Variants in DENND5B observed in about 807,000 individuals in gnomAD.
The protein encoded by DENND5B is DENN domain containing 5B, also known as DENN domain-containing protein 5B.
In DENND5B, 34 loss-of-function variants were observed where a neutral mutation model predicts 140.6. The observed-to-expected ratio is 0.24, with a 90% confidence interval of 0.18 to 0.32. The LOEUF is 0.32. Ranked by LOEUF, DENND5B falls within the 10% of genes least tolerant of loss-of-function variation. DENND5B has a pLI of 1.00. For missense variants in DENND5B, 1,142 were observed against 1,560.2 expected (o/e 0.73, Z 4.52); for synonymous variants, 551 against 562.1 (o/e 0.98, Z 0.28).
rs1945686794 is a variant in DENND5B at position 31,474,195 on chromosome 12, T to C, written c.904+5394A>G. On this transcript the variant is annotated intron_variant, in intron 3 of 20. Coordinates refer to ENST00000389082, the MANE Select transcript of DENND5B (RefSeq NM_144973.4). ...TGCAAAGGCACACAGGCATGCAGTG[T>C]GGTGTGGGTAGTGGTTTATTTCCAC... Among the ~76,000 whole-genome samples the C allele has an allele frequency of 2.0e-5, 3 of 152,280 alleles. No individual in the cohort carries two copies. The South Asian group carries it at 6.2e-4, about 32-fold the overall frequency.
chr12:31,402,676 C>T (rs779633886), intron 14 of DENND5B, 33 bp from the exon 15 acceptor site: 19 of 1,576,166 alleles, frequency 1.2e-5, no homozygotes, highest in Middle Eastern at 3.4e-4. Context: ...AATTAAAAAG[C>T]GGGAATAAAA....
At chr12:31,462,624 G>GA (rs1555154425) in intron 3 of DENND5B, among the ~76,000 whole-genome samples, 1 of 151,766 alleles carries the variant, frequency 6.6e-6, no homozygotes, top group East Asian at 1.9e-4. Context: ...TAAATGTTAT[G>GA]TTTTTTTTCC....
At chr12:31,485,591 A>T (rs1946269221) in intron 2 of DENND5B, among the ~76,000 whole-genome samples, 1 of 152,252 alleles carries the variant, frequency 6.6e-6, no homozygotes, top group Admixed American at 6.5e-5. Context: ...ACACAATTTT[A>T]TTTATAAAAA....
chr12:31,463,209 C>G (rs1307858090), intron 3 of DENND5B, among the ~76,000 whole-genome samples: 4 of 151,986 alleles, frequency 2.6e-5, no homozygotes, highest in Non-Finnish European at 5.9e-5. Context: ...CAGTGAGCTG[C>G]GATCGTACCA....
At chr12:31,557,869 C>CA (rs1949351110) in intron 1 of DENND5B, among the ~76,000 whole-genome samples, 1 of 139,132 alleles carries the variant, frequency 7.2e-6, no homozygotes. Context: ...TTAGCCACAT[C>CA]AAAACCAATG....
chr12:31,577,697 C>A (rs1259388), intron 1 of DENND5B, among the ~76,000 whole-genome samples: 10,534 of 110,132 alleles, frequency 0.096, 946 homozygotes, highest in African/African-American at 0.27. Context: ...GGCGACAGAA[C>A]GAGACTCTGT....
rs781690752 is a variant in DENND5B, at chr12:31,447,615, T to G, written c.1784A>C (p.Lys595Thr). ...LLRVFDTRID[K>T]IRLYNVRAPT... is the part of the protein sequence containing the mutation. ...TGCCCTTACATTATACAGCCTTATC[T>G]TATCAATCCGAGTGTCAAAGACCCG... The change falls in exon 6 of 21, where the codon AAG becomes ACG. Residue 595 changes from lysine to threonine, a missense_variant. Lys to Thr is a moderately conservative substitution (Grantham distance 78). Coordinates refer to ENST00000389082, the MANE Select transcript of DENND5B (RefSeq NM_144973.4). The G allele has an allele frequency of 1.9e-6, 3 of 1,613,954 alleles. No individual in the cohort carries two copies. The highest frequency in any genetic ancestry group is 4.5e-5 in the East Asian group (2 of 44,874).
At chr12:31,474,879 A>G (rs1056735364) in intron 3 of DENND5B, among the ~76,000 whole-genome samples, 7 of 152,354 alleles carry the variant, frequency 4.6e-5, no homozygotes, top group African/African-American at 1.4e-4. Flanking sequence ...TTTATACTCT[A>G]CAATTACTTC....
chr12:31,437,235 C>T (rs898321153), intron 7 of DENND5B, among the ~76,000 whole-genome samples: 27 of 151,794 alleles, frequency 1.8e-4, no homozygotes, highest in African/African-American at 4.3e-4. Flanking sequence ...CTCTGCCTCC[C>T]GGGTTCATGC....
intron 2 of DENND5B, among the ~76,000 whole-genome samples, chr12:31,490,366 C>T (rs1305588408): frequency 6.6e-6 from 1 of 152,078 alleles, no homozygotes; most frequent in Admixed American, 6.5e-5. Flanking sequence ...AATCCTAGCA[C>T]TCTGAGAGGC....
intron 1 of DENND5B, among the ~76,000 whole-genome samples, chr12:31,521,844 G>A (rs1159976096): frequency 6.6e-6 from 1 of 152,116 alleles, no homozygotes; most frequent in African/African-American, 2.4e-5. Flanking sequence ...CTATCAACCA[G>A]ACTCCATACT....
intron 1 of DENND5B, chr12:31,590,305 C>T (rs1950570576): frequency 6.5e-6 from 1 of 154,188 alleles, no homozygotes; most frequent in South Asian, 2.1e-4. Context: ...GGGGCCGAAA[C>T]TTCGCGGCCG....
rs147645586 is a variant in DENND5B at position 31,462,583 on chromosome 12, C to T, written c.905-2202G>A. On this transcript the variant is annotated intron_variant, in intron 3 of 20. Coordinates refer to ENST00000389082, the MANE Select transcript of DENND5B (RefSeq NM_144973.4). ...ATAAAGCATAGGGCCCACTTCACACCCAGTGCTGACTAAAATTTACTGATA... is the reference window on the plus strand; with the variant it reads ...ATAAAGCATAGGGCCCACTTCACACTCAGTGCTGACTAAAATTTACTGATA... Among the ~76,000 whole-genome samples, 1,330 of 152,188 alleles carry T rather than the reference C, an allele frequency of 8.7e-3. 8 individuals carry two copies. The highest frequency in any genetic ancestry group is 0.014 in the Middle Eastern group (4 of 294).
chr12:31,402,674 A>G (rs769467936), intron 14 of DENND5B, 31 bp from the exon 15 acceptor site: 1 of 1,580,872 alleles, frequency 6.3e-7, no homozygotes, highest in South Asian at 1.2e-5. Flanking sequence ...TTAATTAAAA[A>G]GCGGGAATAA....
At chr12:31,474,665 T>G (rs1024758564) in intron 3 of DENND5B, among the ~76,000 whole-genome samples, 2 of 152,184 alleles carry the variant, frequency 1.3e-5, no homozygotes, top group Non-Finnish European at 2.9e-5. Context: ...TGTTTTTAAA[T>G]TTATGGCATA....
intron 1 of DENND5B, chr12:31,499,582 C>G (rs1049401602): frequency 6.8e-7 from 1 of 1,473,460 alleles, no homozygotes; most frequent in Non-Finnish European, 8.9e-7. Context: ...AATAGCCCAT[C>G]CTTGTTCTTA....
chr12:31,582,885 G>C (rs185166813), intron 1 of DENND5B, among the ~76,000 whole-genome samples: 21 of 152,312 alleles, frequency 1.4e-4, no homozygotes, highest in Non-Finnish European at 2.4e-4. Context: ...TATGGGTATG[G>C]ATGTTATGGG....
At chr12:31,474,857 C>T (rs1199635419) in intron 3 of DENND5B, among the ~76,000 whole-genome samples, 1 of 152,172 alleles carries the variant, frequency 6.6e-6, no homozygotes, top group Non-Finnish European at 1.5e-5. Flanking sequence ...TAGATTTACA[C>T]AGCGCTTTCA....
chr12:31,382,605 G>A lies in DENND5B; in HGVS notation c.*4998C>T, dbSNP rs1389318506. ...GACAAGATTTGGTGTTTAGAATCAA[G>A]ATTGGATTCACACACAAGTACATTC... On this transcript the variant is annotated 3_prime_UTR_variant, in exon 21 of 21. Coordinates refer to ENST00000389082, the MANE Select transcript of DENND5B (RefSeq NM_144973.4). The A allele has an allele frequency of 1.3e-5, 2 of 152,036 alleles. No homozygotes were observed. Among genetic ancestry groups the A allele is most frequent in the Non-Finnish European group, 1.5e-5 (1 of 67,990 alleles). The allele number at this position is 152,036 out of a possible 1,614,324, so 9.4% of individuals were successfully genotyped here.
Sources: allele counts gnomAD v4.1 joint callset (sites outside exome capture counted in the v4.1 genomes callset), GRCh38; gene constraint gnomAD v4.1.1; transcripts MANE v1.5; gene names NCBI Gene and HGNC (gene_info 2026-07-23, HGNC 2026-07-21).